The following SSH1 variants were observed in gnomAD, a reference collection of about 807,000 sequenced individuals.
SSH1 encodes the protein slingshot protein phosphatase 1, also known as protein phosphatase Slingshot homolog 1.
Under a neutral mutation model 79.7 loss-of-function variants are expected in SSH1, and 43 were observed. That is an observed-to-expected ratio of 0.54 (90% confidence interval 0.42 to 0.70). The LOEUF is 0.70. Ranked by LOEUF, SSH1 falls within the 30% of genes least tolerant of loss-of-function variation. The pLI is 0.00. For missense variants in SSH1, 1,206 were observed against 1,358.8 expected, an observed-to-expected ratio of 0.89 and a Z score of 1.77; for synonymous variants, 599 against 538.3, an observed-to-expected ratio of 1.11 and a Z score of -1.56.
intron 2 of SSH1, among the ~76,000 whole-genome samples, chr12:108,842,469 C>T (rs2137263337): frequency 6.6e-6 from 1 of 152,310 alleles, no homozygotes; most frequent in Admixed American, 6.5e-5. Flanking sequence ...AACAAGATGA[C>T]AGCAAGTGCA....
intron 2 of SSH1, among the ~76,000 whole-genome samples, chr12:108,838,673 C>T (rs2038701646): frequency 6.6e-6 from 1 of 152,230 alleles, no homozygotes; most frequent in Admixed American, 6.5e-5. Context: ...GTGGGATAGG[C>T]ATGCAGCATC....
intron 2 of SSH1, among the ~76,000 whole-genome samples, chr12:108,847,750 G>GC (rs2038930824): frequency 6.6e-6 from 1 of 152,144 alleles, no homozygotes; most frequent in African/African-American, 2.4e-5. Flanking sequence ...GAGCCACCGT[G>GC]CCCAGCCATT....
In SSH1 at chr12:108,787,933, G is replaced by C. The variant is rs553622310; in HGVS notation, c.*55C>G. 94 of 1,605,324 alleles carry C rather than the reference G, an allele frequency of 5.9e-5. No homozygotes were observed. The highest frequency in any genetic ancestry group is 1.7e-5 in the Admixed American group (1 of 59,984). ...GGGTCGATCCAAATCCACAGTGAAA[G>C]TGAGGGAGGGATCATATGAAAATAT... On this transcript the variant is annotated 3_prime_UTR_variant, in exon 15 of 15. Coordinates refer to ENST00000326495, the MANE Select transcript of SSH1 (RefSeq NM_018984.4).
chr12:108,838,304 C>G (rs1483461490), intron 2 of SSH1, among the ~76,000 whole-genome samples: 1 of 152,202 alleles, frequency 6.6e-6, no homozygotes, highest in Non-Finnish European at 1.5e-5. Flanking sequence ...TTCGTGTTTT[C>G]CAGAACAGAA....
intron 2 of SSH1, among the ~76,000 whole-genome samples, chr12:108,848,603 G>A (rs1224845755): frequency 2.0e-5 from 3 of 152,202 alleles, no homozygotes; most frequent in African/African-American, 7.2e-5. Flanking sequence ...TTAACACACG[G>A]ATGTGAATGA....
In SSH1 at chr12:108,778,260, C is replaced by T. The variant is rs893600999; in HGVS notation, c.*9728G>A. 5.3e-5 allele frequency: 8 copies of T among 152,158 alleles called. No homozygotes were observed. Among genetic ancestry groups the T allele is most frequent in the Admixed American group, 1.3e-4 (2 of 15,272 alleles). 9.4% of individuals were successfully genotyped at this position (152,158 alleles called of 1,614,324 possible). A position where few individuals can be genotyped will look rare whatever the true frequency, so the allele number is the denominator to read the frequency against. Reference sequence around the variant, plus strand: ...CTTGCCCACAAGTTAAACAAACGCACGCATAAGTCCACAGGGGCTCCTTTT... The same window carrying T: ...CTTGCCCACAAGTTAAACAAACGCATGCATAAGTCCACAGGGGCTCCTTTT... On this transcript the variant is annotated 3_prime_UTR_variant, in exon 15 of 15. Coordinates refer to ENST00000326495, the MANE Select transcript of SSH1 (RefSeq NM_018984.4).
chr12:108,813,922 A>T (rs1290664233), intron 5 of SSH1, among the ~76,000 whole-genome samples: 4 of 152,050 alleles, frequency 2.6e-5, no homozygotes, highest in African/African-American at 7.2e-5. Context: ...ATGCGTATGC[A>T]GATATAAGAC....
intron 5 of SSH1, among the ~76,000 whole-genome samples, chr12:108,814,626 T>C (rs2037797385): frequency 6.6e-6 from 1 of 152,204 alleles, no homozygotes; most frequent in South Asian, 2.1e-4. Flanking sequence ...ATCAGGCCCC[T>C]GCTCATCTTG....
intron 6 of SSH1, among the ~76,000 whole-genome samples, chr12:108,810,713 C>T (rs549943195): frequency 2.6e-5 from 4 of 152,356 alleles, no homozygotes; most frequent in Middle Eastern, 3.4e-3. Context: ...CACTCCTCAC[C>T]GTGCCCACAC....
At chr12:108,831,477 C>G (rs1248509031) in intron 2 of SSH1, among the ~76,000 whole-genome samples, 1 of 152,168 alleles carries the variant, frequency 6.6e-6, no homozygotes, top group Non-Finnish European at 1.5e-5. Context: ...CGGTTTCCAC[C>G]CATGCCACAG....
At chr12:108,790,949 G>T (rs745561704) in intron 14 of SSH1, among the ~76,000 whole-genome samples, 8 of 152,162 alleles carry the variant, frequency 5.3e-5, no homozygotes, top group Non-Finnish European at 1.0e-4. Flanking sequence ...GGAGGGAAAA[G>T]GTTGGCTGGA....
At chr12:108,841,842 GTATA>G (rs34543723) in intron 2 of SSH1, among the ~76,000 whole-genome samples, 79,744 of 147,208 alleles carry the variant, frequency 0.54, 22,801 homozygotes, top group East Asian at 0.79. Flanking sequence ...GTGTGTGTGT[GTATA>G]TATATATATA....
intron 2 of SSH1, among the ~76,000 whole-genome samples, chr12:108,847,257 G>A (rs1158775904): frequency 6.6e-6 from 1 of 152,142 alleles, no homozygotes; most frequent in African/African-American, 2.4e-5. Context: ...TGTCATCCCT[G>A]TTTTATAGGT....
chr12:108,800,754 T>C, intron 12 of SSH1, 26 bp downstream of exon 12: 3 of 1,610,030 alleles, frequency 1.9e-6, no homozygotes, highest in Non-Finnish European at 2.5e-6. Flanking sequence ...GGTTTCATCC[T>C]CAGCCCCGCC....
At chr12:108,827,722 C>G (rs945868749) in intron 2 of SSH1, among the ~76,000 whole-genome samples, 1 of 152,194 alleles carries the variant, frequency 6.6e-6, no homozygotes, top group Non-Finnish European at 1.5e-5. Context: ...CAACCCCAAG[C>G]AACAAGACCC....
Position 108,781,630 on chromosome 12 carries a change from G to C in SSH1, c.*6358C>G, listed in dbSNP as rs952824204. ...GGGTCACGCCCAGGTACTTGTGACAGTTAGTGCTCACCAAATACATGTGCC... is the reference window on the plus strand; with the variant it reads ...GGGTCACGCCCAGGTACTTGTGACACTTAGTGCTCACCAAATACATGTGCC... On this transcript the variant is annotated 3_prime_UTR_variant, in exon 15 of 15. Transcript: ENST00000326495. The C allele has an allele frequency of 1.3e-5, 2 of 152,216 alleles. No homozygotes were observed. The highest frequency in any genetic ancestry group is 4.8e-5 in the African/African-American group (2 of 41,452). The allele number at this position is 152,216 out of a possible 1,614,324, so 9.4% of individuals were successfully genotyped here.
chr12:108,857,404 G>A lies in SSH1; in HGVS notation c.69+24C>T, dbSNP rs1183377293. The A allele has an allele frequency of 1.3e-5, 13 of 1,020,840 alleles. No individual in the cohort carries two copies. The highest frequency in any genetic ancestry group is 3.5e-5 in the African/African-American group (2 of 57,350). The allele number at this position is 1,020,840 out of a possible 1,614,324, so 63.2% of individuals were successfully genotyped here. A position where few individuals can be genotyped will look rare whatever the true frequency, so the allele number is the denominator to read the frequency against. ...GGCGCGGCGTCCGGCGGCCCAGGCC[G>A]GGCGCGGCGAGCCCGGGGCTCACCT... On this transcript the variant is annotated intron_variant, in intron 1 of 14. Coordinates refer to ENST00000326495, the MANE Select transcript of SSH1 (RefSeq NM_018984.4). This position sits in a 1 kb window ranked among gnomAD's most constrained non-coding sequence, Gnocchi z 4.7.
chr12:108,848,098 C>T (rs546020598), intron 2 of SSH1, among the ~76,000 whole-genome samples: 10 of 152,244 alleles, frequency 6.6e-5, no homozygotes, highest in Middle Eastern at 3.4e-3. Context: ...ACGCCGGTGA[C>T]GCTGGAGCTC....
chr12:108,800,957 T>C (rs2036974502), intron 11 of SSH1, 31 bp from the exon 12 acceptor site: 2 of 1,602,944 alleles, frequency 1.2e-6, no homozygotes, highest in South Asian at 2.2e-5. Context: ...GAAACAAATT[T>C]GGACAATCTG....
Sources: gnomAD v4.1 joint callset for allele counts (sites outside exome capture counted in the v4.1 genomes callset) on GRCh38, gnomAD v4.1.1 for gene constraint, Gnocchi (gnomAD v3.1) non-coding constraint, MANE v1.5 for transcripts, NCBI Gene and HGNC (gene_info 2026-07-23, HGNC 2026-07-21) for gene names.